Variants in TAP2 observed in about 807,000 individuals in gnomAD.
TAP2 encodes the protein antigen peptide transporter 2.
In TAP2, 49 loss-of-function variants were observed where a neutral mutation model predicts 74.7. The observed-to-expected ratio is 0.66, with a 90% CI of 0.52 to 0.83. The LOEUF (loss-of-function observed/expected upper bound fraction) is 0.83, where lower values mean the gene tolerates loss of function less well. Among genes scored for constraint, TAP2 ranks in the 40% least tolerant of loss-of-function variants. The pLI is 0.00. For synonymous variants in TAP2, 306 were observed against 368.4 expected (o/e 0.83, Z 1.94); for missense variants, 739 against 859.0 (o/e 0.86, Z 1.75).
chr6:32,829,846 C>T, intron 10 of TAP2, 84 bp downstream of exon 10: 1 of 1,571,198 alleles, frequency 6.4e-7, no homozygotes, highest in Non-Finnish European at 8.8e-7. Flanking sequence ...CATCAAGCTA[C>T]AGGGACACGA....
chr6:32,830,739 A>C lies in TAP2; in HGVS notation c.1340T>G (p.Met447Arg). Residue 447 changes from methionine (M) to arginine (R), a missense_variant, in exon 8 of 12, where the codon ATG (methionine) becomes AGG (arginine). By Grantham distance (91) the Met-to-Arg change is moderately conservative. Transcript: ENST00000374897. ...TGAAGGCAGATTTGGCTGTCGGTCCATGTAGGAGAAAACCTTCTCTGCAGC... is the reference window on the plus strand; with the variant it reads ...TGAAGGCAGATTTGGCTGTCGGTCCCTGTAGGAGAAAACCTTCTCTGCAGC... ...VGAAEKVFSYMDRQPNLPSPG... is the reference protein window; with the variant it reads ...VGAAEKVFSYRDRQPNLPSPG... 1.9e-6 allele frequency: 3 copies of C among 1,613,016 alleles called. No homozygotes were observed. Among genetic ancestry groups the C allele is most frequent in the Non-Finnish European group, 2.5e-6 (3 of 1,180,004 alleles).
Position 32,827,687 on chromosome 6 carries a change from T to G in TAP2, c.*1219A>C. On this transcript the variant is annotated 3_prime_UTR_variant, in exon 12 of 12. Transcript: ENST00000374897. Reference sequence around the variant, plus strand: ...TGTTGGGGAAGGCAGAAGTTTGTCGTGGAGCTGGATACAACAGGAGAGGGT... The same window carrying G: ...TGTTGGGGAAGGCAGAAGTTTGTCGGGGAGCTGGATACAACAGGAGAGGGT... The G allele has an allele frequency of 4.3e-6, 4 of 938,042 alleles. No homozygotes were observed. The highest frequency in any genetic ancestry group is 5.1e-6 in the Non-Finnish European group (4 of 787,506). The allele number at this position is 938,042 out of a possible 1,614,324, so 58.1% of individuals were successfully genotyped here.
chr6:32,829,174 A>T (rs1768871816), intron 11 of TAP2, 140 bp from the exon 12 acceptor site: 1 of 1,485,218 alleles, frequency 6.7e-7, no homozygotes, highest in Admixed American at 2.0e-5. Flanking sequence ...AAAGGCCTGG[A>T]CTGCCCTTCT....
chr6:32,831,062 G>A (rs1266189333), intron 7 of TAP2, among the ~76,000 whole-genome samples: 1 of 152,164 alleles, frequency 6.6e-6, no homozygotes, highest in Non-Finnish European at 1.5e-5. Flanking sequence ...GATCTTTTCA[G>A]TTACTGCTTC....
chr6:32,830,810 G>C lies in TAP2; in HGVS notation c.1273-4C>G. ...CCCCATATATGTATACCAGGGTCTG[G>C]AAAACAGGAATGGGAGAGCCGGCTA... is the stretch of plus-strand genomic sequence containing the variant. On this transcript the variant is annotated splice_region_variant and splice_polypyrimidine_tract_variant and intron_variant, in intron 7 of 11. Coordinates refer to ENST00000374897, the MANE Select transcript of TAP2 (RefSeq NM_001290043.2). 1 of 1,607,640 alleles carries C rather than the reference G, an allele frequency of 6.2e-7. No individual in the cohort carries two copies. The highest frequency in any genetic ancestry group is 8.5e-7 in the Non-Finnish European group (1 of 1,177,434).
chr6:32,823,007 C>T (rs1768397654), downstream of TAP2, among the ~76,000 whole-genome samples: 1 of 148,216 alleles, frequency 6.7e-6, no homozygotes, highest in Non-Finnish European at 1.5e-5. Flanking sequence ...ACAACCTTTG[C>T]CTCCCAGATT....
rs2229527 is a variant in TAP2 at position 32,829,532 on chromosome 6, T to A, written c.1800A>T (p.Val600=). ...CAGCCAGCTGGCTTCCCTTCTCCCC[T>A]ACATCTGAGGAAATCAGAGAAATTC... is the stretch of plus-strand genomic sequence containing the variant. ...QEMEHGIYTD[V]GEKGSQLAAG... is the part of the protein sequence containing the mutation. The change falls in exon 11 of 12, where the codon GTA becomes GTT. Residue 600 remains valine, a synonymous_variant. Transcript: ENST00000374897. The A allele has an allele frequency of 1.9e-6, 3 of 1,614,012 alleles. No homozygotes were observed. Among genetic ancestry groups the A allele is most frequent in the African/African-American group, 1.3e-5 (1 of 74,988 alleles).
chr6:32,837,529 C>T lies in TAP2; in HGVS notation c.608+8G>A, dbSNP rs2071467. ...GCTAGCAAATGGACCCAGCTGCCCACCACCTACCTGCCAAAGGAGAAGAGG... is the reference window on the plus strand; with the variant it reads ...GCTAGCAAATGGACCCAGCTGCCCATCACCTACCTGCCAAAGGAGAAGAGG... On this transcript the variant is annotated splice_region_variant and intron_variant, in intron 3 of 11. Coordinates refer to ENST00000374897, the MANE Select transcript of TAP2 (RefSeq NM_001290043.2). 0.044 allele frequency: 71,474 copies of T among 1,612,762 alleles called. 2,168 individuals carry two copies. Among genetic ancestry groups the T allele is most frequent in the East Asian group, 0.15 (6,793 of 44,810 alleles).
intron 7 of TAP2, among the ~76,000 whole-genome samples, chr6:32,831,040 C>T (rs1769047168): frequency 1.3e-5 from 2 of 152,196 alleles, no homozygotes; most frequent in Non-Finnish European, 2.9e-5. Context: ...TACAGCATTG[C>T]CTCTAGCCCC....
rs241453 is a variant in TAP2 at position 32,828,449 on chromosome 6, G to A, written c.*457C>T. 0.25 allele frequency: 245,108 copies of A among 984,080 alleles called. 31,745 individuals carry two copies. The highest frequency in any genetic ancestry group is 0.4 in the South Asian group (8,483 of 21,260). 61.0% of individuals were successfully genotyped at this position (984,080 alleles called of 1,614,324 possible). A position where few individuals can be genotyped will look rare whatever the true frequency, so the allele number is the denominator to read the frequency against. ...CAAACAACAGATAAACGACTGATGG[G>A]ACAGGCAGCAAAATAGCAACTATGG... On this transcript the variant is annotated 3_prime_UTR_variant, in exon 12 of 12. Coordinates refer to ENST00000374897, the MANE Select transcript of TAP2 (RefSeq NM_001290043.2).
At position 32,827,307 on chromosome 6, in the gene TAP2, A is replaced by T. The variant is rs1485153992; in HGVS notation, c.*1599T>A. 2.0e-5 allele frequency: 20 copies of T among 985,326 alleles called. No individual in the cohort carries two copies. The highest frequency in any genetic ancestry group is 2.4e-5 in the Non-Finnish European group (20 of 829,932). The allele number at this position is 985,326 out of a possible 1,614,324, so 61.0% of individuals were successfully genotyped here. On this transcript the variant is annotated 3_prime_UTR_variant, in exon 12 of 12. Coordinates refer to ENST00000374897, the MANE Select transcript of TAP2 (RefSeq NM_001290043.2). ...GGAGTGGGCAGGGAGGATTAAGATT[A>T]GTACGATGGTGGAGATATTTATTCA...
chr6:32,838,360 G>C, intron 1 of TAP2, 123 bp from the exon 2 acceptor site: 3 of 1,345,468 alleles, frequency 2.2e-6, no homozygotes, highest in Admixed American at 5.9e-5. Flanking sequence ...ATTCAACCCT[G>C]AGAGCTCTCC....
rs187562510 is a variant in TAP2 at position 32,827,685 on chromosome 6, C to T, written c.*1221G>A. 5.8e-3 allele frequency: 5,413 copies of T among 934,360 alleles called. 43 individuals are homozygous for T. Among genetic ancestry groups the T allele is most frequent in the Non-Finnish European group, 6.4e-3 (5,032 of 784,248 alleles). The allele number at this position is 934,360 out of a possible 1,614,324, so 57.9% of individuals were successfully genotyped here. On this transcript the variant is annotated 3_prime_UTR_variant, in exon 12 of 12. Coordinates refer to ENST00000374897, the MANE Select transcript of TAP2 (RefSeq NM_001290043.2). ...GGTGTTGGGGAAGGCAGAAGTTTGT[C>T]GTGGAGCTGGATACAACAGGAGAGG...
chr6:32,836,856 G>A (rs1183240216), intron 3 of TAP2, among the ~76,000 whole-genome samples: 1 of 152,180 alleles, frequency 6.6e-6, no homozygotes, highest in Non-Finnish European at 1.5e-5. Context: ...GTTTTCGAGG[G>A]TACTCTAAAT....
intron 1 of TAP2, among the ~76,000 whole-genome samples, 188 bp downstream of exon 1, chr6:32,838,465 T>TAAA (rs9282316): frequency 0.018 from 2,472 of 135,966 alleles, 41 homozygotes; most frequent in Non-Finnish European, 0.02. Context: ...GCCTCGTGCT[T>TAAA]AAAAAAAAAA....
intron 5 of TAP2, among the ~76,000 whole-genome samples, chr6:32,834,059 G>A (rs528747296): frequency 1.4e-3 from 213 of 152,274 alleles, no homozygotes; most frequent in Non-Finnish European, 2.5e-4. Flanking sequence ...TTTATCAGCA[G>A]CGTAAAAATG....
At chr6:32,829,369 C>A in intron 11 of TAP2, 31 bp downstream of exon 11, 1 of 1,573,550 alleles carries the variant, frequency 6.4e-7, no homozygotes, top group East Asian at 2.3e-5. Flanking sequence ...CTCCCAGGCC[C>A]CACTGTCCCC....
At chr6:32,822,347 T>G (rs776439884), downstream of TAP2, 54 of 1,386,432 alleles carry the variant, frequency 3.9e-5, no homozygotes, top group South Asian at 4.8e-4. Flanking sequence ...AAAAACCCCT[T>G]GATCTTAATG....
rs1407857191 is a variant in TAP2 at position 32,835,732 on chromosome 6, G to T, written c.650C>A (p.Thr217Asn). The change falls in exon 4 of 12, where the codon ACC becomes AAC. Residue 217 changes from threonine to asparagine, a missense_variant. By Grantham distance (65) the Thr-to-Asn change is moderately conservative (BLOSUM62 0). Transcript: ENST00000374897. The surrounding 1 kb of genome is among the most constrained non-coding windows in gnomAD (Gnocchi z 4.0). Reference sequence around the variant, plus strand: ...GATCCGCAAGTTGATTCGAGACATGGTGTAGGTGAAGCAGCCTCCTCGGCA... The same window carrying T: ...GATCCGCAAGTTGATTCGAGACATGTTGTAGGTGAAGCAGCCTCCTCGGCA... ...AGCRGGCFTY[T>N]MSRINLRIRE... 6.2e-7 allele frequency: 1 copy of T among 1,613,028 alleles called. No homozygotes were observed. Among genetic ancestry groups the T allele is most frequent in the Non-Finnish European group, 8.5e-7 (1 of 1,180,042 alleles).
Sources: gnomAD v4.1 joint callset for allele counts (sites outside exome capture counted in the v4.1 genomes callset) on GRCh38, gnomAD v4.1.1 for gene constraint, Gnocchi (gnomAD v3.1) non-coding constraint, MANE v1.5 for transcripts, NCBI Gene and HGNC (gene_info 2026-07-23, HGNC 2026-07-21) for gene names.